Variants in GAREM1 observed in about 807,000 individuals in gnomAD.
The protein encoded by GAREM1 is GRB2-associated and regulator of MAPK protein 1.
GAREM1 carries 26 observed loss-of-function variants against 71.3 expected under a neutral mutation model. The ratio of observed to expected loss-of-function variants is 0.36; its 90% CI spans 0.27 to 0.51. The LOEUF (loss-of-function observed/expected upper bound fraction) is 0.51, where lower values mean the gene tolerates loss of function less well. GAREM1 is among the 20% of genes least tolerant of loss of function. The pLI, the probability that GAREM1 is intolerant of heterozygous loss-of-function variation, is 0.95. For missense variants in GAREM1, 1,026 were observed against 1,103.1 expected, an observed-to-expected ratio of 0.93 and a Z score of 0.99; for synonymous variants, 440 against 433.2, an observed-to-expected ratio of 1.02 and a Z score of -0.20.
At chr18:32,438,495 G>T (rs2048702957) in intron 1 of GAREM1, among the ~76,000 whole-genome samples, 1 of 152,230 alleles carries the variant, frequency 6.6e-6, no homozygotes, top group Admixed American at 6.5e-5. Flanking sequence ...GTGATCCACA[G>T]GAACTAACTG....
At position 32,303,431 on chromosome 18, in the gene GAREM1, C is replaced by T. The variant is rs1189900226; in HGVS notation, c.393+6762G>A. Among the ~76,000 whole-genome samples, 7 of 152,048 alleles carry T rather than the reference C, an allele frequency of 4.6e-5. No homozygotes were observed. The East Asian group carries it at 9.6e-4, about 21-fold the overall frequency. ...TTATTTTGATGGCAGGAAATGCAGA[C>T]GGGGAAAATTTTCTCATCTTTATTG... On this transcript the variant is annotated intron_variant, in intron 3 of 5. Transcript: ENST00000269209.
In GAREM1 at chr18:32,264,914, CTT is replaced by C. The variant is rs1178045044; in HGVS notation, c.*2955_*2956del. 3 of 152,240 alleles carry C rather than the reference CTT, an allele frequency of 2.0e-5. No individual in the cohort carries two copies. Among genetic ancestry groups the C allele is most frequent in the African/African-American group, 4.8e-5 (2 of 41,460 alleles). 9.4% of individuals were successfully genotyped at this position (152,240 alleles called of 1,614,324 possible). The stretch of plus-strand genomic sequence containing the variant: ...TCTTGTTTAGATAGACACTTCCTCT[CTT>C]TTGATTACAGGGGACCTGCCAGAGG... On this transcript the variant is annotated 3_prime_UTR_variant, in exon 6 of 6. Transcript: ENST00000269209.
intron 1 of GAREM1, among the ~76,000 whole-genome samples, chr18:32,428,973 T>A (rs1001105056): frequency 2.0e-5 from 3 of 152,186 alleles, no homozygotes; most frequent in African/African-American, 7.2e-5. Flanking sequence ...TAGCAAAATT[T>A]ACAGTTTCAA....
At chr18:32,276,684 T>C (rs2041547098) in intron 4 of GAREM1, among the ~76,000 whole-genome samples, 1 of 152,132 alleles carries the variant, frequency 6.6e-6, no homozygotes, top group South Asian at 2.1e-4. Context: ...GTCTGTGGGC[T>C]TAGATGATGA....
intron 2 of GAREM1, among the ~76,000 whole-genome samples, chr18:32,384,589 G>A (rs1342060031): frequency 2.0e-5 from 3 of 151,960 alleles, no homozygotes; most frequent in African/African-American, 2.4e-5. Context: ...ACTTTTGCTC[G>A]AGCATTTTAT....
At chr18:32,397,741 T>C (rs1041688076) in intron 1 of GAREM1, among the ~76,000 whole-genome samples, 6 of 152,178 alleles carry the variant, frequency 3.9e-5, no homozygotes, top group African/African-American at 1.2e-4. Flanking sequence ...ATTAGACAGA[T>C]AGAGACAGAA....
chr18:32,272,767 G>T (rs965939153), intron 4 of GAREM1, among the ~76,000 whole-genome samples: 5 of 152,176 alleles, frequency 3.3e-5, no homozygotes, highest in African/African-American at 4.8e-5. Flanking sequence ...GGGATCACAG[G>T]CATGCGCCAC....
At chr18:32,448,729 G>T in intron 1 of GAREM1, among the ~76,000 whole-genome samples, 1 of 152,178 alleles carries the variant, frequency 6.6e-6, no homozygotes, top group East Asian at 1.9e-4. Flanking sequence ...TACAAACCAA[G>T]AAGGAAAAAT....
chr18:32,380,474 T>TAAAAAAAAA (rs35881689), intron 2 of GAREM1, among the ~76,000 whole-genome samples: 2 of 92,468 alleles, frequency 2.2e-5, no homozygotes, highest in Non-Finnish European at 4.2e-5. Flanking sequence ...AGACTTCATT[T>TAAAAAAAAA]AAAAAAAAAA....
intron 1 of GAREM1, among the ~76,000 whole-genome samples, chr18:32,410,826 A>G (rs1001643035): frequency 6.6e-6 from 1 of 152,146 alleles, no homozygotes; most frequent in Non-Finnish European, 1.5e-5. Flanking sequence ...GTTTTGAGAC[A>G]AAGTCTCACT....
At chr18:32,302,429 C>G (rs1029232412) in intron 3 of GAREM1, among the ~76,000 whole-genome samples, 1 of 152,094 alleles carries the variant, frequency 6.6e-6, no homozygotes, top group African/African-American at 2.4e-5. Flanking sequence ...TTGCAAGGCT[C>G]TAGTTTTTTC....
intron 2 of GAREM1, among the ~76,000 whole-genome samples, chr18:32,389,474 G>A (rs759267409): frequency 2.0e-5 from 3 of 152,112 alleles, no homozygotes; most frequent in Non-Finnish European, 4.4e-5. Flanking sequence ...ATTTAAAGAG[G>A]TTTAGTAGCT....
chr18:32,315,330 AGAG>A (rs1439515362), intron 2 of GAREM1, among the ~76,000 whole-genome samples: 1 of 151,642 alleles, frequency 6.6e-6, no homozygotes, highest in Non-Finnish European at 1.5e-5. Context: ...CCACATTTAA[AGAG>A]AAGAGGTAAA....
At chr18:32,452,070 G>C (rs2048845380) in intron 1 of GAREM1, among the ~76,000 whole-genome samples, 2 of 148,818 alleles carry the variant, frequency 1.3e-5, no homozygotes, top group Non-Finnish European at 2.9e-5. Context: ...TTCTTGAGAA[G>C]GAGAAGAGAT....
chr18:32,336,196 C>T (rs529167967), intron 2 of GAREM1, among the ~76,000 whole-genome samples: 21 of 152,094 alleles, frequency 1.4e-4, no homozygotes, highest in Admixed American at 7.2e-4. Context: ...TTTGGGAGGC[C>T]GAGACGGGCG....
intron 2 of GAREM1, among the ~76,000 whole-genome samples, chr18:32,360,705 C>T (rs2047857429): frequency 6.6e-6 from 1 of 152,150 alleles, no homozygotes; most frequent in African/African-American, 2.4e-5. Context: ...ATGTCATCCT[C>T]ACTATAGCTC....
Position 32,470,438 on chromosome 18 carries a change from A to G in GAREM1, c.-10T>C, listed in dbSNP as rs1034931659. ...AGGGCGCCGGGTCCATCTTCCCCGAAGCCTCCTGTCCCGCGCTCCCCCGCC... is the reference window on the plus strand; with the variant it reads ...AGGGCGCCGGGTCCATCTTCCCCGAGGCCTCCTGTCCCGCGCTCCCCCGCC... On this transcript the variant is annotated 5_prime_UTR_variant, in exon 1 of 6. Coordinates refer to ENST00000269209, the MANE Select transcript of GAREM1 (RefSeq NM_001242409.2). This position sits in a 1 kb window ranked among gnomAD's most constrained non-coding sequence, Gnocchi z 4.4. 1.9e-5 allele frequency: 28 copies of G among 1,483,166 alleles called. No individual in the cohort carries two copies. The highest frequency in any genetic ancestry group is 2.4e-5 in the Non-Finnish European group (27 of 1,109,500). 91.9% of individuals were successfully genotyped at this position (1,483,166 alleles called of 1,614,324 possible).
chr18:32,457,053 A>C (rs527832122), intron 1 of GAREM1, among the ~76,000 whole-genome samples: 14 of 151,862 alleles, frequency 9.2e-5, no homozygotes, highest in African/African-American at 3.4e-4. Flanking sequence ...CTGGACTGTT[A>C]GAGTGGATTA....
chr18:32,289,470 T>C lies in GAREM1; in HGVS notation c.394-1267A>G, dbSNP rs139454182. Among the ~76,000 whole-genome samples the C allele has an allele frequency of 1.3e-3, 200 of 152,092 alleles. 1 individual carries two copies. Among genetic ancestry groups the C allele is most frequent in the African/African-American group, 4.1e-3 (171 of 41,318 alleles). ...GTATTTATCTAATTATTTAGATCTCTTACTGATTACTTTTTGTGTAAATGA... is the reference window on the plus strand; with the variant it reads ...GTATTTATCTAATTATTTAGATCTCCTACTGATTACTTTTTGTGTAAATGA... On this transcript the variant is annotated intron_variant, in intron 3 of 5. Coordinates refer to ENST00000269209, the MANE Select transcript of GAREM1 (RefSeq NM_001242409.2).
Sources: allele counts gnomAD v4.1 joint callset (sites outside exome capture counted in the v4.1 genomes callset), GRCh38; gene constraint gnomAD v4.1.1; non-coding constraint Gnocchi (gnomAD v3.1); transcripts MANE v1.5; gene names NCBI Gene and HGNC (gene_info 2026-07-23, HGNC 2026-07-21).